ATXN1: variants seen among roughly 807,000 people sequenced by gnomAD.
The protein encoded by ATXN1 is ataxin 1, also known as ataxin-1.
ATXN1 carries 8 observed loss-of-function variants against 56.4 expected under a neutral mutation model. That is an observed-to-expected ratio of 0.14 (90% CI 0.08 to 0.26). The LOEUF (loss-of-function observed/expected upper bound fraction) is 0.26, where lower values mean the gene tolerates loss of function less well. Among genes scored for constraint, ATXN1 ranks in the 10% least tolerant of loss-of-function variants. ATXN1 has a pLI of 1.00. For missense variants in ATXN1, 987 were observed against 1,106.5 expected (o/e 0.89, Z 1.53); for synonymous variants, 514 against 494.6 (o/e 1.04, Z -0.52).
chr6:16,350,802 G>C (rs937510731), intron 6 of ATXN1, among the ~76,000 whole-genome samples: 1 of 152,282 alleles, frequency 6.6e-6, no homozygotes, highest in South Asian at 2.1e-4. Context: ...ATGGGAATTG[G>C]CTGGGTGTGG....
chr6:16,421,745 CAT>C (rs146596938), intron 6 of ATXN1, among the ~76,000 whole-genome samples: 21,720 of 151,700 alleles, frequency 0.14, 1,747 homozygotes, highest in East Asian at 0.31. Flanking sequence ...CACAAATGCA[CAT>C]GTGTGGGTGA....
At chr6:16,663,825 C>T (rs759090733) in intron 2 of ATXN1, among the ~76,000 whole-genome samples, 11 of 152,056 alleles carry the variant, frequency 7.2e-5, no homozygotes, top group South Asian at 4.2e-4. Flanking sequence ...CCATCATGTC[C>T]GGCCAGGAAC....
rs556516868 is a variant in ATXN1, at chr6:16,527,139, T to C, written c.-360-4451A>G. ...TTCCTTCTCAAAGAGAATGGTTGGTTTGGTAAAAATATATGTGATAGGATT... is the reference window on the plus strand; with the variant it reads ...TTCCTTCTCAAAGAGAATGGTTGGTCTGGTAAAAATATATGTGATAGGATT... On this transcript the variant is annotated intron_variant, in intron 4 of 7. Transcript: ENST00000436367. Among the ~76,000 whole-genome samples, 189 of 152,156 alleles carry C rather than the reference T, an allele frequency of 1.2e-3. 1 individual carries two copies. The highest frequency in any genetic ancestry group is 2.5e-3 in the Non-Finnish European group (167 of 67,996).
At position 16,301,854 on chromosome 6, in the gene ATXN1, T is replaced by C. The variant is rs1485491380; in HGVS notation, c.*4475A>G. 1 of 152,736 alleles carries C rather than the reference T, an allele frequency of 6.5e-6. No homozygotes were observed. The highest frequency in any genetic ancestry group is 1.5e-5 in the Non-Finnish European group (1 of 68,058). 9.5% of individuals were successfully genotyped at this position (152,736 alleles called of 1,614,324 possible). On this transcript the variant is annotated 3_prime_UTR_variant, in exon 8 of 8. Coordinates refer to ENST00000436367, the MANE Select transcript of ATXN1 (RefSeq NM_001128164.2). ...CTGAAATAGCACGGTATTAGTGTCT[T>C]CAAAAGCATTGGAGATTTTTCTCTC...
At chr6:16,481,584 C>T (rs1760439767) in intron 6 of ATXN1, among the ~76,000 whole-genome samples, 1 of 152,274 alleles carries the variant, frequency 6.6e-6, no homozygotes, top group African/African-American at 2.4e-5. Context: ...CATAGACACA[C>T]AAAATTCCAG....
At chr6:16,699,081 C>T (rs1759228226) in intron 2 of ATXN1, among the ~76,000 whole-genome samples, 1 of 152,148 alleles carries the variant, frequency 6.6e-6, no homozygotes, top group Admixed American at 6.6e-5. Flanking sequence ...TACAGCTTAC[C>T]ACTAAGCAAG....
At chr6:16,733,556 C>A (rs979426199) in intron 2 of ATXN1, among the ~76,000 whole-genome samples, 1 of 150,382 alleles carries the variant, frequency 6.6e-6, no homozygotes, top group Non-Finnish European at 1.5e-5. Flanking sequence ...AGACTGAGAA[C>A]TGACCTCTTG....
chr6:16,699,873 T>C (rs1377554178), intron 2 of ATXN1, among the ~76,000 whole-genome samples: 1 of 152,168 alleles, frequency 6.6e-6, no homozygotes, highest in Non-Finnish European at 1.5e-5. Context: ...CGAACATTTT[T>C]TTAATGTAAA....
chr6:16,365,938 GTCTA>G (rs1461425713), intron 6 of ATXN1, among the ~76,000 whole-genome samples: 29 of 152,096 alleles, frequency 1.9e-4, no homozygotes, highest in African/African-American at 6.5e-4. Flanking sequence ...CTATATAGCC[GTCTA>G]TCTATCTAAT....
chr6:16,520,441 A>G (rs1395120691), intron 5 of ATXN1, among the ~76,000 whole-genome samples: 1 of 152,222 alleles, frequency 6.6e-6, no homozygotes, highest in Non-Finnish European at 1.5e-5. Flanking sequence ...AGGAAACCAA[A>G]GTAGCCACAA....
intron 3 of ATXN1, among the ~76,000 whole-genome samples, chr6:16,606,682 C>T (rs62389037): frequency 6.8e-6 from 1 of 147,198 alleles, no homozygotes; most frequent in Non-Finnish European, 1.5e-5. Context: ...GCGCCTGCCA[C>T]CAAACCTGGC....
rs536475246 is a variant in ATXN1, at chr6:16,400,340, G to A, written c.-160-71870C>T. Among the ~76,000 whole-genome samples, 7 of 152,298 alleles carry A rather than the reference G, an allele frequency of 4.6e-5. No homozygotes were observed. In the East Asian group the frequency reaches 5.8e-4, roughly 13 times the overall value. ...TTCTCCTACAGCCCTCTGAGGTGGA[G>A]AGAGCTCAACCTCCCAAGCCCCTGT... On this transcript the variant is annotated intron_variant, in intron 6 of 7. Transcript: ENST00000436367.
intron 2 of ATXN1, among the ~76,000 whole-genome samples, chr6:16,725,874 C>T (rs996693282): frequency 1.3e-5 from 2 of 152,158 alleles, no homozygotes; most frequent in Admixed American, 1.3e-4. Context: ...GATCCAAGTA[C>T]ACAAGGAACA....
At chr6:16,567,678 A>T (rs1268092123) in intron 4 of ATXN1, among the ~76,000 whole-genome samples, 1 of 152,186 alleles carries the variant, frequency 6.6e-6, no homozygotes, top group Non-Finnish European at 1.5e-5. Flanking sequence ...TATGGATAGT[A>T]AGTTCCCTGA....
intron 3 of ATXN1, among the ~76,000 whole-genome samples, chr6:16,601,105 T>C (rs1197874958): frequency 6.6e-6 from 1 of 152,202 alleles, no homozygotes; most frequent in Non-Finnish European, 1.5e-5. Context: ...TACTAAGCTA[T>C]GTGATGGGTA....
At chr6:16,728,607 G>T (rs1299819739) in intron 2 of ATXN1, among the ~76,000 whole-genome samples, 1 of 152,142 alleles carries the variant, frequency 6.6e-6, no homozygotes, top group Non-Finnish European at 1.5e-5. Flanking sequence ...AAAGGAGAAT[G>T]GTAATATCAT....
intron 4 of ATXN1, among the ~76,000 whole-genome samples, chr6:16,555,071 C>T (rs1466272586): frequency 2.0e-5 from 3 of 152,202 alleles, no homozygotes; most frequent in African/African-American, 2.4e-5. Context: ...GATTCCTCCA[C>T]ACCCATGCCT....
chr6:16,320,227 C>CA lies in ATXN1; in HGVS notation c.1917+6166dup, dbSNP rs60903586. Among the ~76,000 whole-genome samples, 1,385 of 151,950 alleles carry CA rather than the reference C, an allele frequency of 9.1e-3. 26 individuals are homozygous for CA. Among genetic ancestry groups the CA allele is most frequent in the African/African-American group, 0.032 (1,322 of 41,436 alleles). ...TGACTCACAGCTCACAGAAGTCAAC[C>CA]AAAAAATAGTAGAATGAAAGGAAAG... On this transcript the variant is annotated intron_variant, in intron 7 of 7. Coordinates refer to ENST00000436367, the MANE Select transcript of ATXN1 (RefSeq NM_001128164.2).
intron 6 of ATXN1, among the ~76,000 whole-genome samples, chr6:16,361,631 A>AGG: frequency 6.6e-6 from 1 of 152,140 alleles, no homozygotes; most frequent in Non-Finnish European, 1.5e-5. Flanking sequence ...TCTCAACTTA[A>AGG]CTTGCAGATC....
Sources: allele counts gnomAD v4.1 joint callset (sites outside exome capture counted in the v4.1 genomes callset), GRCh38; gene constraint gnomAD v4.1.1; transcripts MANE v1.5; gene names NCBI Gene and HGNC (gene_info 2026-07-23, HGNC 2026-07-21).